Variants in INTS10 observed in about 807,000 individuals in gnomAD.
The protein encoded by INTS10 is chromosome 8 open reading frame 35.
In INTS10, 44 loss-of-function variants were observed where a neutral mutation model predicts 94.4. That is an observed-to-expected ratio of 0.47 (90% confidence interval 0.37 to 0.60). INTS10 has a LOEUF of 0.60. Ranked by LOEUF, INTS10 falls within the 20% of genes least tolerant of loss-of-function variation. INTS10 has a pLI of 0.00. For missense variants in INTS10, 797 were observed against 868.7 expected (o/e 0.92, Z 1.04); for synonymous variants, 341 against 320.7 (o/e 1.06, Z -0.68).
At chr8:19,837,691 C>T (rs1429883158) in intron 13 of INTS10, among the ~76,000 whole-genome samples, 4 of 152,042 alleles carry the variant, frequency 2.6e-5, no homozygotes, top group African/African-American at 4.8e-5. Flanking sequence ...TACAGCTGAT[C>T]TGAGTTTGTT....
At chr8:19,847,434 G>A (rs373446044) in intron 16 of INTS10, among the ~76,000 whole-genome samples, 3 of 152,128 alleles carry the variant, frequency 2.0e-5, no homozygotes, top group Admixed American at 1.3e-4. Flanking sequence ...GGAAGCCCAG[G>A]TAACCCCTTT....
rs547786052 is a variant in INTS10 at position 19,822,459 on chromosome 8, A to G, written c.462A>G (p.Leu154=). ...AATAGGTTGGCCTTGGGGAGGCACT[A>G]TTAGAGGCTGAAACTATTGAAGAAC... ...VQHGVGLGEA[L]LEAETIEEQE... is the part of the protein sequence containing the mutation. Residue 154 remains leucine, a synonymous_variant, in exon 5 of 17, where the codon CTA becomes CTG. Coordinates refer to ENST00000397977, the MANE Select transcript of INTS10 (RefSeq NM_018142.4). 2.7e-5 allele frequency: 44 copies of G among 1,611,338 alleles called. No homozygotes were observed. In the South Asian group the frequency reaches 4.7e-4, roughly 17 times the overall value.
In INTS10 at chr8:19,845,742, C is replaced by A; in HGVS notation, c.1921C>A (p.Gln641Lys). ...MLEEFAYLRT[Q>K]EGGKIHLELL... Reference sequence around the variant, plus strand: ...GGAGGAATTTGCCTACTTGAGAACTCAGGAAGGTGGGAAAATTCATCTGGA... The same window carrying A: ...GGAGGAATTTGCCTACTTGAGAACTAAGGAAGGTGGGAAAATTCATCTGGA... The change falls in exon 16 of 17, where the codon CAG becomes AAG. Residue 641 changes from glutamine (Q) to lysine (K), a missense_variant. Gln to Lys is a moderately conservative substitution (Grantham distance 53). This residue lies in a region of INTS10 where 734 missense variants were observed against 787.8 expected (regional missense o/e 0.93). Transcript: ENST00000397977. 3 of 1,613,942 alleles carry A rather than the reference C, an allele frequency of 1.9e-6. No individual in the cohort carries two copies. Among genetic ancestry groups the A allele is most frequent in the Non-Finnish European group, 2.5e-6 (3 of 1,179,842 alleles).
chr8:19,830,330 T>C, intron 9 of INTS10, 76 bp from the exon 10 acceptor site: 1 of 1,305,028 alleles, frequency 7.7e-7, no homozygotes. Flanking sequence ...CGGGCCAAAC[T>C]GGCAGCAATA....
rs750602517 is a variant in INTS10 at position 19,824,879 on chromosome 8, A to C, written c.913A>C (p.Lys305Gln). 7 of 1,613,518 alleles carry C rather than the reference A, an allele frequency of 4.3e-6. No homozygotes were observed. In the African/African-American group the frequency reaches 6.7e-5, roughly 15 times the overall value. The change falls in exon 8 of 17, where the codon AAA becomes CAA. Residue 305 changes from lysine to glutamine, a missense_variant. Lys to Gln is a moderately conservative substitution (Grantham distance 53). This residue lies in a region of INTS10 where 734 missense variants were observed against 787.8 expected (regional missense o/e 0.93). Coordinates refer to ENST00000397977, the MANE Select transcript of INTS10 (RefSeq NM_018142.4). Reference protein sequence around the residue: ...MNNFDSEAHAKYKNQVVYSTM... With the variant: ...MNNFDSEAHAQYKNQVVYSTM... The stretch of plus-strand genomic sequence containing the variant: ...CAACTTTGATAGTGAAGCACATGCA[A>C]AATATAAAAACCAAGTGGTGTATTC...
At chr8:19,819,775 A>G (rs890534951) in intron 3 of INTS10, 99 bp downstream of exon 3, 2 of 839,092 alleles carry the variant, frequency 2.4e-6, no homozygotes, top group Non-Finnish European at 3.8e-6. Flanking sequence ...TGGTAACCAT[A>G]TGTATGTTTT....
chr8:19,833,487 C>T (rs551804940), intron 12 of INTS10, among the ~76,000 whole-genome samples, 166 bp downstream of exon 12: 12 of 152,266 alleles, frequency 7.9e-5, no homozygotes, highest in South Asian at 6.2e-4. Context: ...TTTTGTTTTA[C>T]GTAATTTTCT....
Position 19,851,925 on chromosome 8 carries a change from C to G in INTS10, c.*120C>G. 1 of 815,908 alleles carries G rather than the reference C, an allele frequency of 1.2e-6. No homozygotes were observed. Among genetic ancestry groups the G allele is most frequent in the South Asian group, 2.1e-5 (1 of 48,722 alleles). The allele number at this position is 815,908 out of a possible 1,614,324, so 50.5% of individuals were successfully genotyped here. A position where few individuals can be genotyped will look rare whatever the true frequency, so the allele number is the denominator to read the frequency against. Reference sequence around the variant, plus strand: ...TTGCTGTTACAAAGAAGAAAACCATCTGAGTTCTAACTCCTTGGTTGCTTA... The same window carrying G: ...TTGCTGTTACAAAGAAGAAAACCATGTGAGTTCTAACTCCTTGGTTGCTTA... On this transcript the variant is annotated 3_prime_UTR_variant, in exon 17 of 17. Coordinates refer to ENST00000397977, the MANE Select transcript of INTS10 (RefSeq NM_018142.4). This position sits in a 1 kb window ranked among gnomAD's most constrained non-coding sequence, Gnocchi z 5.0.
intron 3 of INTS10, among the ~76,000 whole-genome samples, 197 bp downstream of exon 3, chr8:19,819,873 A>G (rs1246016321): frequency 6.6e-6 from 1 of 152,254 alleles, no homozygotes; most frequent in African/African-American, 2.4e-5. Flanking sequence ...ATATGGATTT[A>G]TCAGTGAGAC....
chr8:19,849,915 C>T lies in INTS10; in HGVS notation c.1977-1734C>T, dbSNP rs987067138. On this transcript the variant is annotated intron_variant, in intron 16 of 16. Coordinates refer to ENST00000397977, the MANE Select transcript of INTS10 (RefSeq NM_018142.4). The surrounding 1 kb of genome is among the most constrained non-coding windows in gnomAD (Gnocchi z 4.6). Reference sequence around the variant, plus strand: ...TATATGGAGATAATACAAATTGGACCCTGATCTGCAGGATGTAGCATTTAG... The same window carrying T: ...TATATGGAGATAATACAAATTGGACTCTGATCTGCAGGATGTAGCATTTAG... Among the ~76,000 whole-genome samples, 1 of 151,782 alleles carries T rather than the reference C, an allele frequency of 6.6e-6. No individual in the cohort carries two copies. The highest frequency in any genetic ancestry group is 2.4e-5 in the African/African-American group (1 of 41,302).
At chr8:19,841,302 TA>T (rs1349238701) in intron 13 of INTS10, among the ~76,000 whole-genome samples, 1 of 152,064 alleles carries the variant, frequency 6.6e-6, no homozygotes. Context: ...AATTTAAAAA[TA>T]GAAAGATTAG....
At chr8:19,823,737 T>C (rs2066571398) in intron 6 of INTS10, 136 bp from the exon 7 acceptor site, 1 of 766,928 alleles carries the variant, frequency 1.3e-6, no homozygotes, top group East Asian at 2.7e-5. Context: ...CTCTTGTCGG[T>C]CCTTGAGCAA....
intron 9 of INTS10, among the ~76,000 whole-genome samples, chr8:19,827,141 A>G (rs1310829033): frequency 2.6e-5 from 4 of 152,120 alleles, no homozygotes; most frequent in Non-Finnish European, 5.9e-5. Context: ...GTGCACAAAG[A>G]TGCAAGAAGC....
intron 9 of INTS10, among the ~76,000 whole-genome samples, chr8:19,827,928 C>G (rs2066927988): frequency 6.6e-6 from 1 of 152,026 alleles, no homozygotes; most frequent in African/African-American, 2.4e-5. Context: ...AATTAGAAAC[C>G]AGGCTGGGTG....
intron 13 of INTS10, among the ~76,000 whole-genome samples, chr8:19,838,640 A>T (rs1188886470): frequency 6.6e-6 from 1 of 152,226 alleles, no homozygotes; most frequent in East Asian, 1.9e-4. Flanking sequence ...ACAAGAAAAG[A>T]ACTTTAAAGG....
intron 5 of INTS10, among the ~76,000 whole-genome samples, chr8:19,823,062 C>G (rs1460669408): frequency 6.6e-6 from 1 of 152,106 alleles, no homozygotes; most frequent in East Asian, 1.9e-4. Flanking sequence ...TAATAAACAT[C>G]TGAATTCAAT....
rs539178849 is a variant in INTS10 at position 19,846,238 on chromosome 8, A to G, written c.1976+441A>G. On this transcript the variant is annotated intron_variant, in intron 16 of 16. Coordinates refer to ENST00000397977, the MANE Select transcript of INTS10 (RefSeq NM_018142.4). This position sits in a 1 kb window ranked among gnomAD's most constrained non-coding sequence, Gnocchi z 4.2. ...GGAATTCAGGACCAGCCTGGCCAAC[A>G]TGGTGAAACCCCGTCTCTACTAAAA... Among the ~76,000 whole-genome samples, 450 of 151,738 alleles carry G rather than the reference A, an allele frequency of 3.0e-3. 4 individuals are homozygous for G. The highest frequency in any genetic ancestry group is 0.017 in the Middle Eastern group (5 of 294).
Position 19,826,491 on chromosome 8 carries a change from G to A in INTS10, c.1072G>A (p.Val358Ile), listed in dbSNP as rs756044615. 12 of 1,613,218 alleles carry A rather than the reference G, an allele frequency of 7.4e-6. No homozygotes were observed. In the South Asian group the frequency reaches 1.3e-4, roughly 18 times the overall value. ...LEDVSNVYGDVEIDRNKHIHK... is the reference protein window; with the variant it reads ...LEDVSNVYGDIEIDRNKHIHK... ...AGATGTATCGAATGTGTATGGTGAT[G>A]TAGAAATTGATCGTAATAAACACAT... Residue 358 changes from valine to isoleucine, a missense_variant, in exon 9 of 17, where the codon GTA becomes ATA. Physicochemically the swap from Val to Ile is conservative, Grantham distance 29. This residue lies in a region of INTS10 where 734 missense variants were observed against 787.8 expected (regional missense o/e 0.93). Transcript: ENST00000397977.
intron 13 of INTS10, among the ~76,000 whole-genome samples, chr8:19,841,311 T>C (rs1377021232): frequency 6.6e-6 from 1 of 152,090 alleles, no homozygotes; most frequent in Non-Finnish European, 1.5e-5. Context: ...ATAGAAAGAT[T>C]AGTAAATTTG....
Sources: allele counts gnomAD v4.1 joint callset (sites outside exome capture counted in the v4.1 genomes callset), GRCh38; gene constraint gnomAD v4.1.1; regional missense constraint gnomAD v4.1.1; non-coding constraint Gnocchi (gnomAD v3.1); transcripts MANE v1.5; gene names NCBI Gene and HGNC (gene_info 2026-07-23, HGNC 2026-07-21).